The following NEO1 variants were observed in gnomAD, a reference collection of about 807,000 sequenced individuals.
NEO1 encodes neogenin.
A neutral mutation model predicts 159.7 loss-of-function variants in NEO1; 63 were observed. That is an observed-to-expected ratio of 0.39 (90% confidence interval 0.32 to 0.49). NEO1 has a LOEUF of 0.49. Ranked by LOEUF, NEO1 falls within the 20% of genes least tolerant of loss-of-function variation. The pLI is 0.85. For missense variants in NEO1, 1,615 were observed against 1,831.0 expected, an observed-to-expected ratio of 0.88 and a Z score of 2.15; for synonymous variants, 633 against 662.0, an observed-to-expected ratio of 0.96 and a Z score of 0.67.
chr15:73,204,591 T>G (rs982658002), intron 7 of NEO1, among the ~76,000 whole-genome samples: 1 of 152,202 alleles, frequency 6.6e-6, no homozygotes, highest in East Asian at 1.9e-4. Context: ...GCATGCTTCA[T>G]TTTTTCTTTG....
At chr15:73,204,115 G>C (rs1361243815) in intron 7 of NEO1, among the ~76,000 whole-genome samples, 1 of 132,876 alleles carries the variant, frequency 7.5e-6, no homozygotes, top group Non-Finnish European at 1.8e-5. Flanking sequence ...ATGTAAGGTT[G>C]GTGGGTTTTT....
At position 73,052,529 on chromosome 15, in the gene NEO1, G is replaced by T. The variant is rs1444783956; in HGVS notation, c.-147G>T. 7 of 296,406 alleles carry T rather than the reference G, an allele frequency of 2.4e-5. No individual in the cohort carries two copies. The highest frequency in any genetic ancestry group is 5.6e-5 in the Admixed American group (1 of 17,706). The allele number at this position is 296,406 out of a possible 1,614,324, so 18.4% of individuals were successfully genotyped here. A position where few individuals can be genotyped will look rare whatever the true frequency, so the allele number is the denominator to read the frequency against. On this transcript the variant is annotated 5_prime_UTR_variant, in exon 1 of 29. Coordinates refer to ENST00000261908, the MANE Select transcript of NEO1 (RefSeq NM_002499.4). ...TCCCCTCCAGCGAGAGGGGCTGCGC[G>T]GGCCGGGCCGGGCCGGGCTGGGCTG...
intron 7 of NEO1, among the ~76,000 whole-genome samples, chr15:73,201,525 G>A (rs748512694): frequency 1.8e-4 from 27 of 152,042 alleles, no homozygotes; most frequent in Non-Finnish European, 2.8e-4. Flanking sequence ...TAAGAATAAT[G>A]TGCGTTTTGT....
chr15:73,139,128 T>C (rs548074640), intron 5 of NEO1, among the ~76,000 whole-genome samples: 3 of 152,246 alleles, frequency 2.0e-5, no homozygotes, highest in South Asian at 2.1e-4. Context: ...CAGATCCTTA[T>C]CTCATATATG....
Position 73,267,076 on chromosome 15 carries a change from G to C in NEO1, c.2494+665G>C, listed in dbSNP as rs2040939688. Among the ~76,000 whole-genome samples the C allele has an allele frequency of 2.0e-5, 3 of 152,314 alleles. No homozygotes were observed. In the South Asian group the frequency reaches 6.2e-4, roughly 32 times the overall value. ...GATCGAGACCATCCTGGCTAACACAGTGAAACCCTATCTCTACTAAAAATA... is the reference window on the plus strand; with the variant it reads ...GATCGAGACCATCCTGGCTAACACACTGAAACCCTATCTCTACTAAAAATA... On this transcript the variant is annotated intron_variant, in intron 16 of 28. Transcript: ENST00000261908.
intron 2 of NEO1, 51 bp from the exon 3 acceptor site, chr15:73,122,474 T>C: frequency 6.5e-7 from 1 of 1,546,006 alleles, no homozygotes; most frequent in Middle Eastern, 2.1e-4. Context: ...AGACAAAATT[T>C]TAAAGTAATA....
At chr15:73,101,542 A>G (rs1310730117) in intron 1 of NEO1, among the ~76,000 whole-genome samples, 2 of 152,196 alleles carry the variant, frequency 1.3e-5, no homozygotes, top group Non-Finnish European at 2.9e-5. Context: ...TGAGACTGCA[A>G]AGCTCTCTTT....
chr15:73,068,256 A>T (rs2068337214), intron 1 of NEO1, among the ~76,000 whole-genome samples: 1 of 105,322 alleles, frequency 9.5e-6, no homozygotes, highest in East Asian at 3.3e-4. Flanking sequence ...ACAGTGTCTC[A>T]CTGCACCCAG....
intron 1 of NEO1, among the ~76,000 whole-genome samples, chr15:73,098,859 G>A (rs760726897): frequency 3.0e-4 from 45 of 152,214 alleles, no homozygotes; most frequent in South Asian, 6.2e-4. Flanking sequence ...GCACTATTTT[G>A]CATTTCCATC....
chr15:73,258,925 G>A, intron 14 of NEO1, 49 bp downstream of exon 14: 2 of 1,477,814 alleles, frequency 1.4e-6, no homozygotes, highest in South Asian at 1.1e-5. Flanking sequence ...ACTAGCTGTA[G>A]TCAAATGAGT....
intron 1 of NEO1, among the ~76,000 whole-genome samples, chr15:73,095,428 C>T (rs991856993): frequency 6.6e-6 from 1 of 152,018 alleles, no homozygotes; most frequent in African/African-American, 2.4e-5. Context: ...GACTTCTGTA[C>T]CGTTTACTTT....
Position 73,106,066 on chromosome 15 carries a change from C to T in NEO1, c.131-10474C>T, listed in dbSNP as rs192357140. Among the ~76,000 whole-genome samples the T allele has an allele frequency of 1.6e-4, 25 of 152,178 alleles. No homozygotes were observed. The East Asian group carries it at 4.8e-3, about 29-fold the overall frequency. ...AAGTTTCCTTTCTAAATAGACATTT[C>T]TGATTAGGCACTAAAGAGAAGGTAC... On this transcript the variant is annotated intron_variant, in intron 1 of 28. Transcript: ENST00000261908.
At chr15:73,060,037 TA>T (rs35245604) in intron 1 of NEO1, among the ~76,000 whole-genome samples, 12,548 of 147,734 alleles carry the variant, frequency 0.085, 608 homozygotes, top group Non-Finnish European at 0.11. Context: ...GCTGTAGTGG[TA>T]AAAAAAAAAA....
At chr15:73,216,395 A>G (rs34182754) in intron 7 of NEO1, among the ~76,000 whole-genome samples, 12,020 of 152,030 alleles carry the variant, frequency 0.079, 560 homozygotes, top group Non-Finnish European at 0.097. Flanking sequence ...ATAAACATAC[A>G]TGTGCATGTG....
rs2042740044 is a variant in NEO1, at chr15:73,305,118, G to A, written c.*2422G>A. On this transcript the variant is annotated 3_prime_UTR_variant, in exon 29 of 29. Coordinates refer to ENST00000261908, the MANE Select transcript of NEO1 (RefSeq NM_002499.4). ...CACTTGTTTGGCCTTTTCTGTAGTT[G>A]ATGCTGTAAACTCTATGGCTTTTTA... 1 of 151,922 alleles carries A rather than the reference G, an allele frequency of 6.6e-6. No individual in the cohort carries two copies. The highest frequency in any genetic ancestry group is 2.4e-5 in the African/African-American group (1 of 41,356). The allele number at this position is 151,922 out of a possible 1,614,324, so 9.4% of individuals were successfully genotyped here. A position where few individuals can be genotyped will look rare whatever the true frequency, so the allele number is the denominator to read the frequency against.
chr15:73,052,829 G>C (rs1453578039), intron 1 of NEO1, 24 bp downstream of exon 1: 2 of 599,516 alleles, frequency 3.3e-6, no homozygotes, highest in Non-Finnish European at 4.3e-6. Context: ...GCGGGCCCGG[G>C]GGTTCGCGGG....
rs957766239 is a variant in NEO1 at position 73,067,783 on chromosome 15, A to G, written c.130+14978A>G. Among the ~76,000 whole-genome samples the G allele has an allele frequency of 2.9e-4, 44 of 151,728 alleles. 1 individual carries two copies. Among genetic ancestry groups the G allele is most frequent in the African/African-American group, 9.9e-4 (41 of 41,264 alleles). On this transcript the variant is annotated intron_variant, in intron 1 of 28. Transcript: ENST00000261908. ...AGGCGCCCGCCACCATGCCCGGCTA[A>G]TTTTTTGTATTTTTAGTAGAGACGG... is the stretch of plus-strand genomic sequence containing the variant.
At chr15:73,183,457 G>A (rs552771752) in intron 7 of NEO1, among the ~76,000 whole-genome samples, 1 of 152,272 alleles carries the variant, frequency 6.6e-6, no homozygotes, top group East Asian at 1.9e-4. Flanking sequence ...CTTTACTTCT[G>A]AAAGAGGCGC....
Position 73,302,608 on chromosome 15 carries a change from C to G in NEO1, c.4303-5C>G, listed in dbSNP as rs770921919. 1.2e-6 allele frequency: 2 copies of G among 1,613,414 alleles called. No homozygotes were observed. The highest frequency in any genetic ancestry group is 1.6e-4 in the Middle Eastern group (1 of 6,062). On this transcript the variant is annotated splice_region_variant and splice_polypyrimidine_tract_variant and intron_variant, in intron 28 of 28. Coordinates refer to ENST00000261908, the MANE Select transcript of NEO1 (RefSeq NM_002499.4). ...AGCCCAGTAACAGTGTTTTCTTTTC[C>G]ATAGAGCTATGAACCAGATGAGCTG...
Sources: allele counts gnomAD v4.1 joint callset (sites outside exome capture counted in the v4.1 genomes callset), GRCh38; gene constraint gnomAD v4.1.1; transcripts MANE v1.5; gene names NCBI Gene and HGNC (gene_info 2026-07-23, HGNC 2026-07-21).